The following ZBTB16 variants were observed in gnomAD, a reference collection of about 807,000 sequenced individuals.
ZBTB16 encodes the protein zinc finger and BTB domain-containing protein 16.
ZBTB16 carries 8 observed loss-of-function variants against 56.8 expected under a neutral mutation model. The ratio of observed to expected loss-of-function variants is 0.14; its 90% CI spans 0.08 to 0.25. ZBTB16 has a LOEUF of 0.25. Ranked by LOEUF, ZBTB16 falls within the 10% of genes least tolerant of loss-of-function variation. The pLI, the probability that ZBTB16 is intolerant of heterozygous loss-of-function variation, is 1.00. For synonymous variants in ZBTB16, 363 were observed against 368.5 expected (o/e 0.98, Z 0.17); for missense variants, 625 against 903.0 (o/e 0.69, Z 3.95).
chr11:114,131,287 C>G (rs997839732), intron 2 of ZBTB16, among the ~76,000 whole-genome samples: 1 of 152,170 alleles, frequency 6.6e-6, no homozygotes, highest in Non-Finnish European at 1.5e-5. Context: ...TTCTCCTGCT[C>G]CCCCACCCCA....
chr11:114,086,645 C>G (rs940825458), intron 2 of ZBTB16, among the ~76,000 whole-genome samples: 3 of 152,176 alleles, frequency 2.0e-5, no homozygotes, highest in Non-Finnish European at 4.4e-5. Flanking sequence ...ACTTTACTTG[C>G]ATTAACACAT....
intron 2 of ZBTB16, among the ~76,000 whole-genome samples, chr11:114,120,655 C>T (rs1037405483): frequency 1.2e-4 from 18 of 152,182 alleles, no homozygotes; most frequent in African/African-American, 3.4e-4. Context: ...GAGACCCTCC[C>T]GCACACTTTC....
chr11:114,167,449 A>C (rs1272849968), intron 3 of ZBTB16, among the ~76,000 whole-genome samples: 1 of 142,964 alleles, frequency 7.0e-6, no homozygotes, highest in Non-Finnish European at 1.5e-5. Flanking sequence ...CTGATTAAAA[A>C]TAGATGCCTT....
intron 2 of ZBTB16, among the ~76,000 whole-genome samples, chr11:114,077,532 T>A (rs1939614518): frequency 6.6e-6 from 1 of 152,072 alleles, no homozygotes; most frequent in Non-Finnish European, 1.5e-5. Context: ...CTTCTCTTTC[T>A]CTCAATTAGT....
chr11:114,146,261 T>C (rs1336955309), intron 2 of ZBTB16, among the ~76,000 whole-genome samples: 1 of 152,094 alleles, frequency 6.6e-6, no homozygotes, highest in Non-Finnish European at 1.5e-5. Flanking sequence ...TTCAATTAGA[T>C]GGAGAAAATC....
chr11:114,119,638 T>C (rs751166115), intron 2 of ZBTB16, among the ~76,000 whole-genome samples: 3 of 152,196 alleles, frequency 2.0e-5, no homozygotes, highest in Non-Finnish European at 4.4e-5. Flanking sequence ...TGTTTGGGTC[T>C]CTGCAGTGAT....
chr11:114,236,963 C>A (rs1944606280), intron 4 of ZBTB16, among the ~76,000 whole-genome samples: 1 of 152,214 alleles, frequency 6.6e-6, no homozygotes, highest in African/African-American at 2.4e-5. Context: ...CTCAAAGATG[C>A]CTTCTCTAGG....
intron 4 of ZBTB16, among the ~76,000 whole-genome samples, chr11:114,218,297 T>C (rs1308877412): frequency 6.6e-6 from 1 of 152,168 alleles, no homozygotes; most frequent in Non-Finnish European, 1.5e-5. Flanking sequence ...TCATCATGCT[T>C]GGTTCTGTCG....
chr11:114,060,587 G>A lies in ZBTB16; in HGVS notation c.-91+705G>A, dbSNP rs1436058652. 1 of 152,062 alleles carries A rather than the reference G, an allele frequency of 6.6e-6. No individual in the cohort carries two copies. Among genetic ancestry groups the A allele is most frequent in the Non-Finnish European group, 1.5e-5 (1 of 68,008 alleles). 9.4% of individuals were successfully genotyped at this position (152,062 alleles called of 1,614,324 possible). A position where few individuals can be genotyped will look rare whatever the true frequency, so the allele number is the denominator to read the frequency against. On this transcript the variant is annotated intron_variant, in intron 1 of 6. Coordinates refer to ENST00000335953, the MANE Select transcript of ZBTB16 (RefSeq NM_006006.6). This position sits in a 1 kb window ranked among gnomAD's most constrained non-coding sequence, Gnocchi z 6.0. The stretch of plus-strand genomic sequence containing the variant: ...CCGTGCGCTCCCGGCCGCTCTCGGT[G>A]GGTGCCGGTCTCTGCACCTGATGCG...
intron 3 of ZBTB16, among the ~76,000 whole-genome samples, chr11:114,166,252 A>G (rs1289425927): frequency 1.5e-5 from 2 of 135,894 alleles, no homozygotes; most frequent in Non-Finnish European, 3.1e-5. Flanking sequence ...GTGTGTAACC[A>G]TGAGGGAGAG....
intron 4 of ZBTB16, chr11:114,210,059 T>G: frequency 1.6e-6 from 1 of 621,710 alleles, no homozygotes; most frequent in Non-Finnish European, 2.0e-6. Context: ...ACTTGCCCGG[T>G]GAGCCTGCTG....
chr11:114,229,938 C>T (rs973858835), intron 4 of ZBTB16, among the ~76,000 whole-genome samples: 1 of 152,112 alleles, frequency 6.6e-6, no homozygotes, highest in Non-Finnish European at 1.5e-5. Context: ...CTTTGGTTCA[C>T]CTGGAATGAT....
At chr11:114,073,667 C>T (rs1269790285) in intron 2 of ZBTB16, among the ~76,000 whole-genome samples, 1 of 152,164 alleles carries the variant, frequency 6.6e-6, no homozygotes, top group Non-Finnish European at 1.5e-5. Flanking sequence ...TTCAGCATTG[C>T]AGTAGAAAGG....
rs1024591845 is a variant in ZBTB16 at position 114,253,055 on chromosome 11, G to A, written c.*2500G>A. 2.6e-5 allele frequency among the ~76,000 whole-genome samples: 4 copies of A among 152,194 alleles called. No individual in the cohort carries two copies. Among genetic ancestry groups the A allele is most frequent in the African/African-American group, 4.8e-5 (2 of 41,444 alleles). On this transcript the variant is annotated 3_prime_UTR_variant, in exon 7 of 7. Transcript: ENST00000335953. ...GGTGAAATCATTTGGGGGAGGGGCC[G>A]TCTGTAAGAAATCATTATGCACTAT...
In ZBTB16 at chr11:114,113,183, G is replaced by T. The variant is rs371862973; in HGVS notation, c.1269-43154G>T. On this transcript the variant is annotated intron_variant, in intron 2 of 6. Coordinates refer to ENST00000335953, the MANE Select transcript of ZBTB16 (RefSeq NM_006006.6). ...AGTGTCATGTGATAGCAGAGATGCT[G>T]TCTTCTGTCTCACTCGTCTTTGAAT... 1.6e-4 allele frequency among the ~76,000 whole-genome samples: 24 copies of T among 152,314 alleles called. No individual in the cohort carries two copies. In the South Asian group the frequency reaches 4.6e-3, roughly 29 times the overall value.
chr11:114,083,362 C>T (rs1017640096), intron 2 of ZBTB16, among the ~76,000 whole-genome samples: 1 of 152,278 alleles, frequency 6.6e-6, no homozygotes, highest in African/African-American at 2.4e-5. Flanking sequence ...CTTCCCTGCC[C>T]GAAACCCACT....
chr11:114,064,660 G>A lies in ZBTB16; in HGVS notation c.1268+92G>A. Reference sequence around the variant, plus strand: ...TGGCTGCTCCCAAGTTAGGGGCCTGGCTCCCCTGTCTTGGCAATTTGTGAA... The same window carrying A: ...TGGCTGCTCCCAAGTTAGGGGCCTGACTCCCCTGTCTTGGCAATTTGTGAA... On this transcript the variant is annotated intron_variant, in intron 2 of 6. Coordinates refer to ENST00000335953, the MANE Select transcript of ZBTB16 (RefSeq NM_006006.6). The surrounding 1 kb of genome is among the most constrained non-coding windows in gnomAD (Gnocchi z 4.2). 6.7e-7 allele frequency: 1 copy of A among 1,497,620 alleles called. No homozygotes were observed. Among genetic ancestry groups the A allele is most frequent in the Non-Finnish European group, 9.1e-7 (1 of 1,100,484 alleles). The allele number at this position is 1,497,620 out of a possible 1,614,324, so 92.8% of individuals were successfully genotyped here.
chr11:114,140,112 C>T (rs1020449054), intron 2 of ZBTB16, among the ~76,000 whole-genome samples: 2 of 152,230 alleles, frequency 1.3e-5, no homozygotes, highest in African/African-American at 2.4e-5. Flanking sequence ...CACCTTGCCT[C>T]TCCTTTGCCT....
At chr11:114,163,876 G>A (rs1427752873) in intron 3 of ZBTB16, among the ~76,000 whole-genome samples, 1 of 152,092 alleles carries the variant, frequency 6.6e-6, no homozygotes, top group Non-Finnish European at 1.5e-5. Flanking sequence ...CATGGCTTTT[G>A]TGTTTTTTAA....
Sources: gnomAD v4.1 joint callset for allele counts (sites outside exome capture counted in the v4.1 genomes callset) on GRCh38, gnomAD v4.1.1 for gene constraint, Gnocchi (gnomAD v3.1) non-coding constraint, MANE v1.5 for transcripts, NCBI Gene and HGNC (gene_info 2026-07-23, HGNC 2026-07-21) for gene names.